Variants in CRYL1 observed in about 807,000 individuals in gnomAD.
The protein encoded by CRYL1 is lambda-crystallin homolog.
A neutral mutation model predicts 36.6 loss-of-function variants in CRYL1; 29 were observed. That is an observed-to-expected ratio of 0.79 (90% CI 0.59 to 1.08). CRYL1 has a LOEUF of 1.08. Among genes scored for constraint, CRYL1 ranks in the 50% least tolerant of loss-of-function variants. The pLI, the probability that CRYL1 is intolerant of heterozygous loss-of-function variation, is 0.00. For missense variants in CRYL1, 411 were observed against 407.9 expected (o/e 1.01, Z -0.06); for synonymous variants, 152 against 151.5 (o/e 1.00, Z -0.02).
At chr13:20,461,355 C>T (rs9509232) in intron 3 of CRYL1, among the ~76,000 whole-genome samples, 147,328 of 152,260 alleles carry the variant, frequency 0.97, 71,437 homozygotes, top group East Asian at 1. Flanking sequence ...TTTGTGAGGT[C>T]CTCCTACTTC....
At chr13:20,468,560 T>C (rs948430019) in intron 3 of CRYL1, among the ~76,000 whole-genome samples, 1 of 152,238 alleles carries the variant, frequency 6.6e-6, no homozygotes, top group African/African-American at 2.4e-5. Flanking sequence ...CTTCGAAGCC[T>C]TCTTTCTAGA....
intron 2 of CRYL1, among the ~76,000 whole-genome samples, chr13:20,511,329 T>G (rs560536703): frequency 6.6e-6 from 1 of 152,198 alleles, no homozygotes; most frequent in Non-Finnish European, 1.5e-5. Flanking sequence ...TGGCCTCAAA[T>G]GATCCTCCCA....
chr13:20,447,447 A>G (rs1353631810), intron 3 of CRYL1, among the ~76,000 whole-genome samples: 2 of 152,124 alleles, frequency 1.3e-5, no homozygotes, highest in African/African-American at 4.8e-5. Context: ...AGCCAGGAGC[A>G]CTGAGTAGGT....
chr13:20,521,748 T>C (rs894372883), intron 1 of CRYL1, among the ~76,000 whole-genome samples: 10 of 152,228 alleles, frequency 6.6e-5, no homozygotes, highest in Non-Finnish European at 1.3e-4. Context: ...AATTCTATCA[T>C]TAATGTCACT....
intron 5 of CRYL1, among the ~76,000 whole-genome samples, chr13:20,416,139 C>T (rs1030124817): frequency 2.6e-5 from 4 of 152,238 alleles, no homozygotes; most frequent in Non-Finnish European, 4.4e-5. Context: ...TGTCCTCACC[C>T]TTGCAAAGTT....
chr13:20,451,654 G>A (rs1027491244), intron 3 of CRYL1, among the ~76,000 whole-genome samples: 3 of 152,218 alleles, frequency 2.0e-5, no homozygotes, highest in Admixed American at 6.5e-5. Context: ...CAAGGCTGCA[G>A]AGAAAAGGGA....
At chr13:20,462,358 A>G (rs1340095398) in intron 3 of CRYL1, among the ~76,000 whole-genome samples, 6 of 151,724 alleles carry the variant, frequency 4.0e-5, no homozygotes, top group African/African-American at 1.5e-4. Context: ...CTGTTGCCTG[A>G]AAACAGAAAC....
At position 20,525,856 on chromosome 13, in the gene CRYL1, C is replaced by T. The variant is rs898060061; in HGVS notation, c.-62G>A. The T allele has an allele frequency of 2.4e-5, 28 of 1,183,516 alleles. No individual in the cohort carries two copies. In the African/African-American group the frequency reaches 3.3e-4, roughly 14 times the overall value. The allele number at this position is 1,183,516 out of a possible 1,614,324, so 73.3% of individuals were successfully genotyped here. On this transcript the variant is annotated 5_prime_UTR_variant, in exon 1 of 8. Coordinates refer to ENST00000298248, the MANE Select transcript of CRYL1 (RefSeq NM_015974.3). The surrounding 1 kb of genome is among the most constrained non-coding windows in gnomAD (Gnocchi z 4.3). ...CCAGGCGCCGGCGGAGCTGCGAGCTCTGGGCTCCGGGGAGGGCGGGTCCCG... is the reference window on the plus strand; with the variant it reads ...CCAGGCGCCGGCGGAGCTGCGAGCTTTGGGCTCCGGGGAGGGCGGGTCCCG...
chr13:20,465,617 C>T (rs1033171514), intron 3 of CRYL1, among the ~76,000 whole-genome samples: 2 of 152,158 alleles, frequency 1.3e-5, no homozygotes, highest in African/African-American at 4.8e-5. Flanking sequence ...GCACCGGTCA[C>T]CCTGCAGCTT....
At chr13:20,441,014 G>C (rs1007605239) in intron 3 of CRYL1, among the ~76,000 whole-genome samples, 4 of 152,142 alleles carry the variant, frequency 2.6e-5, no homozygotes, top group Non-Finnish European at 4.4e-5. Flanking sequence ...GGTGGAAGAC[G>C]CAAGAGCTGC....
chr13:20,473,387 A>T (rs1358098093), intron 3 of CRYL1, among the ~76,000 whole-genome samples: 1 of 152,262 alleles, frequency 6.6e-6, no homozygotes, highest in Non-Finnish European at 1.5e-5. Context: ...TCATTCAAAC[A>T]AACAAATGAA....
intron 2 of CRYL1, among the ~76,000 whole-genome samples, chr13:20,495,616 G>T (rs2033591360): frequency 6.6e-6 from 1 of 152,208 alleles, no homozygotes; most frequent in African/African-American, 2.4e-5. Context: ...GCCACCATAT[G>T]ATCCAGGAAC....
chr13:20,484,180 T>G lies in CRYL1; in HGVS notation c.276+5190A>C, dbSNP rs532669018. On this transcript the variant is annotated intron_variant, in intron 3 of 7. Coordinates refer to ENST00000298248, the MANE Select transcript of CRYL1 (RefSeq NM_015974.3). ...TCTCCAAGTAGCCTAGATTGATTTT[T>G]CTACACTGAGAACCTTCCCTTGTAT... 1.3e-4 allele frequency among the ~76,000 whole-genome samples: 20 copies of G among 152,304 alleles called. No homozygotes were observed. In the East Asian group the frequency reaches 1.7e-3, roughly 13 times the overall value.
chr13:20,500,041 A>G (rs1407314867), intron 2 of CRYL1, among the ~76,000 whole-genome samples: 1 of 152,172 alleles, frequency 6.6e-6, no homozygotes, highest in Admixed American at 6.5e-5. Context: ...GTGCCATTGG[A>G]TGTGAGAGAA....
At chr13:20,486,715 T>C (rs1489663649) in intron 3 of CRYL1, among the ~76,000 whole-genome samples, 1 of 152,338 alleles carries the variant, frequency 6.6e-6, no homozygotes, top group African/African-American at 2.4e-5. Flanking sequence ...CAACATGTCA[T>C]GCCTTGTAAA....
intron 2 of CRYL1, among the ~76,000 whole-genome samples, chr13:20,498,857 A>C (rs1287398575): frequency 6.6e-6 from 1 of 152,322 alleles, no homozygotes; most frequent in East Asian, 1.9e-4. Flanking sequence ...GGCCAAATGA[A>C]TGACTGTTTT....
Position 20,525,811 on chromosome 13 carries a change from C to A in CRYL1, c.-17G>T. On this transcript the variant is annotated 5_prime_UTR_variant, in exon 1 of 8. Transcript: ENST00000298248. The surrounding 1 kb of genome is among the most constrained non-coding windows in gnomAD (Gnocchi z 4.3). The stretch of plus-strand genomic sequence containing the variant: ...GGACGCCATGGTTGGGCCGGGGACG[C>A]GGCGCCGCGGGCGCTGGGACCAGGC... The A allele has an allele frequency of 8.1e-7, 1 of 1,232,570 alleles. No homozygotes were observed. Among genetic ancestry groups the A allele is most frequent in the Non-Finnish European group, 1.0e-6 (1 of 986,994 alleles). 76.4% of individuals were successfully genotyped at this position (1,232,570 alleles called of 1,614,324 possible). A position where few individuals can be genotyped will look rare whatever the true frequency, so the allele number is the denominator to read the frequency against.
At chr13:20,434,756 A>G (rs967741495) in intron 4 of CRYL1, among the ~76,000 whole-genome samples, 16 of 151,746 alleles carry the variant, frequency 1.1e-4, no homozygotes, top group African/African-American at 3.9e-4. Flanking sequence ...AGCTGTTAAC[A>G]ATCACCACCA....
chr13:20,428,625 T>G (rs1391503652), intron 5 of CRYL1, among the ~76,000 whole-genome samples: 1 of 152,184 alleles, frequency 6.6e-6, no homozygotes, highest in African/African-American at 2.4e-5. Flanking sequence ...GCAACGCAGC[T>G]GACATCAGCA....
Sources: gnomAD v4.1 joint callset for allele counts (sites outside exome capture counted in the v4.1 genomes callset) on GRCh38, gnomAD v4.1.1 for gene constraint, Gnocchi (gnomAD v3.1) non-coding constraint, MANE v1.5 for transcripts, NCBI Gene and HGNC (gene_info 2026-07-23, HGNC 2026-07-21) for gene names.